The following RALGPS1 variants were observed in gnomAD, a reference collection of about 807,000 sequenced individuals.
The protein encoded by RALGPS1 is Ral GEF with PH domain and SH3 binding motif 1.
In RALGPS1, 19 loss-of-function variants were observed where a neutral mutation model predicts 78.8. The observed-to-expected ratio is 0.24, with a 90% CI of 0.17 to 0.35. The LOEUF (loss-of-function observed/expected upper bound fraction) is 0.35, where lower values mean the gene tolerates loss of function less well. RALGPS1 is among the 10% of genes least tolerant of loss of function. The pLI, the probability that RALGPS1 is intolerant of heterozygous loss-of-function variation, is 1.00. For synonymous variants in RALGPS1, 228 were observed against 256.3 expected, an observed-to-expected ratio of 0.89 and a Z score of 1.06; for missense variants, 454 against 688.3, an observed-to-expected ratio of 0.66 and a Z score of 3.81.
intron 11 of RALGPS1, among the ~76,000 whole-genome samples, chr9:127,193,514 G>C (rs1239576046): frequency 1.3e-5 from 2 of 152,208 alleles, no homozygotes; most frequent in Admixed American, 1.3e-4. Context: ...AGCCAGCACA[G>C]GAGCTCAGAA....
At chr9:127,009,005 C>T (rs1229305253) in intron 4 of RALGPS1, among the ~76,000 whole-genome samples, 1 of 152,154 alleles carries the variant, frequency 6.6e-6, no homozygotes, top group Non-Finnish European at 1.5e-5. Flanking sequence ...AGGCTTTTTG[C>T]TTTCAAAATC....
intron 4 of RALGPS1, among the ~76,000 whole-genome samples, chr9:126,979,987 CAG>C (rs1054031473): frequency 6.6e-6 from 1 of 152,106 alleles, no homozygotes; most frequent in Admixed American, 6.6e-5. Flanking sequence ...AATTCTGAGG[CAG>C]AGTGAGGATT....
chr9:126,968,042 C>T (rs1027353413), intron 3 of RALGPS1, among the ~76,000 whole-genome samples: 3 of 140,710 alleles, frequency 2.1e-5, no homozygotes, highest in Admixed American at 7.6e-5. Context: ...CTCGCTCTGT[C>T]GCCAGGCTGG....
intron 11 of RALGPS1, among the ~76,000 whole-genome samples, chr9:127,184,688 G>A (rs542847544): frequency 5.9e-5 from 9 of 152,334 alleles, no homozygotes; most frequent in African/African-American, 9.6e-5. Context: ...AAGAGCACCC[G>A]GTTGCACAGT....
At chr9:127,069,452 G>T (rs111571755) in intron 8 of RALGPS1, 96 bp downstream of exon 8, 1 of 1,413,492 alleles carries the variant, frequency 7.1e-7, no homozygotes, top group Non-Finnish European at 9.7e-7. Flanking sequence ...TCCAGGAAGC[G>T]ACATGGCCCG....
At chr9:127,118,238 A>G (rs1375964525) in intron 8 of RALGPS1, among the ~76,000 whole-genome samples, 1 of 152,132 alleles carries the variant, frequency 6.6e-6, no homozygotes, top group Admixed American at 6.5e-5. Flanking sequence ...GTGACAGGCC[A>G]TCGTAACGTT....
chr9:126,979,241 ATGTGTGTGTGTG>A (rs57264470), intron 4 of RALGPS1, among the ~76,000 whole-genome samples: 7 of 146,786 alleles, frequency 4.8e-5, no homozygotes, highest in East Asian at 2.0e-4. Context: ...TTGTATTATT[ATGTGTGTGTGTG>A]TGTGTGTGTG....
intron 8 of RALGPS1, among the ~76,000 whole-genome samples, chr9:127,100,947 A>G (rs1288983797): frequency 6.6e-6 from 1 of 152,138 alleles, no homozygotes; most frequent in African/African-American, 2.4e-5. Flanking sequence ...AGCCAGTTGT[A>G]TGTGATTTCT....
chr9:127,120,332 C>T (rs1328392985), intron 8 of RALGPS1, among the ~76,000 whole-genome samples: 2 of 152,212 alleles, frequency 1.3e-5, no homozygotes, highest in Non-Finnish European at 2.9e-5. Flanking sequence ...AATATGTCTG[C>T]ACTTTTTCTT....
intron 5 of RALGPS1, among the ~76,000 whole-genome samples, chr9:127,040,844 A>T (rs752203789): frequency 5.9e-5 from 9 of 152,164 alleles, no homozygotes; most frequent in Admixed American, 2.0e-4. Flanking sequence ...TCACTTAGCG[A>T]TATGTAGTTA....
chr9:127,154,248 G>A (rs1212524575), intron 8 of RALGPS1, among the ~76,000 whole-genome samples: 1 of 152,258 alleles, frequency 6.6e-6, no homozygotes, highest in Non-Finnish European at 1.5e-5. Context: ...CAGGGCTGCT[G>A]CTGGGCCAGC....
intron 4 of RALGPS1, among the ~76,000 whole-genome samples, chr9:126,999,536 G>A (rs568984692): frequency 2.5e-4 from 38 of 152,204 alleles, no homozygotes; most frequent in African/African-American, 7.9e-4. Flanking sequence ...TATCTTCATA[G>A]TTTTACCTTT....
intron 8 of RALGPS1, among the ~76,000 whole-genome samples, chr9:127,116,210 G>T (rs931623001): frequency 7.2e-5 from 11 of 152,134 alleles, no homozygotes; most frequent in Non-Finnish European, 1.6e-4. Context: ...CTGGGGGTTC[G>T]AATCTGCCTG....
chr9:127,080,193 C>T (rs970767368), intron 8 of RALGPS1, among the ~76,000 whole-genome samples: 4 of 152,132 alleles, frequency 2.6e-5, no homozygotes, highest in African/African-American at 9.7e-5. Flanking sequence ...CCTTAGGAAG[C>T]CTGTTGTTCC....
chr9:126,981,024 CT>C (rs1376012684), intron 4 of RALGPS1, among the ~76,000 whole-genome samples: 32 of 152,130 alleles, frequency 2.1e-4, no homozygotes, highest in Non-Finnish European at 8.8e-5. Context: ...CAGCCACTTC[CT>C]AGCTGGTCAT....
Position 127,195,169 on chromosome 9 carries a change from C to T in RALGPS1, c.989C>T (p.Pro330Leu), listed in dbSNP as rs199975640. 7.9e-5 allele frequency: 127 copies of T among 1,612,852 alleles called. No individual in the cohort carries two copies. In the African/African-American group the frequency reaches 1.4e-3, roughly 17 times the overall value. ...GACACATCTGTTGCTGGCAGCCTCC[C>T]CACACCTCCAGTCCCCAGACACAGG... ...CPDTSVAGSL[P>L]TPPVPRHRKS... Residue 330 changes from proline (P) to leucine (L), a missense_variant, in exon 12 of 19, where the codon CCC (proline) becomes CTC (leucine). By Grantham distance (98) the Pro-to-Leu change is moderately conservative (BLOSUM62 -3). Transcript: ENST00000259351.
At chr9:127,085,122 C>T (rs1027319117) in intron 8 of RALGPS1, among the ~76,000 whole-genome samples, 16 of 152,298 alleles carry the variant, frequency 1.1e-4, no homozygotes, top group African/African-American at 3.8e-4. Flanking sequence ...GGGTCTTTTT[C>T]AGTGTCACTT....
chr9:126,956,591 C>T (rs2038364905), intron 1 of RALGPS1, among the ~76,000 whole-genome samples: 1 of 152,004 alleles, frequency 6.6e-6, no homozygotes, highest in Non-Finnish European at 1.5e-5. Context: ...GGGTGGGCCA[C>T]AGGGGGAAGA....
intron 4 of RALGPS1, among the ~76,000 whole-genome samples, chr9:127,008,450 T>C (rs1223918488): frequency 1.3e-5 from 2 of 151,420 alleles, no homozygotes; most frequent in African/African-American, 4.8e-5. Flanking sequence ...GGCTGAAGTG[T>C]CTTTGGGGAT....
Sources: gnomAD v4.1 joint callset for allele counts (sites outside exome capture counted in the v4.1 genomes callset) on GRCh38, gnomAD v4.1.1 for gene constraint, MANE v1.5 for transcripts, NCBI Gene and HGNC (gene_info 2026-07-23, HGNC 2026-07-21) for gene names.